ZNF559: variants seen among roughly 807,000 people sequenced by gnomAD.
The protein encoded by ZNF559 is putative protein product of Nbla00121.
Under a neutral mutation model 14.2 loss-of-function variants are expected in ZNF559, and 17 were observed. The observed-to-expected ratio is 1.20, with a 90% CI of 0.82 to 1.80. The LOEUF is 1.80. Among genes scored for constraint, ZNF559 ranks in the 40% most tolerant of loss-of-function variants. The pLI, the probability that ZNF559 is intolerant of heterozygous loss-of-function variation, is 0.00. For synonymous variants in ZNF559, 244 were observed against 212.4 expected (o/e 1.15, Z -1.29); for missense variants, 740 against 629.7 (o/e 1.18, Z -1.88).
chr19:9,325,738 A>G (rs1406178872), intron 2 of ZNF559, among the ~76,000 whole-genome samples: 1 of 151,438 alleles, frequency 6.6e-6, no homozygotes, highest in Non-Finnish European at 1.5e-5. Flanking sequence ...GTGAGCCAAG[A>G]TTGCACCCTT....
Position 9,340,037 on chromosome 19 carries a change from C to T in ZNF559, c.160+718C>T, listed in dbSNP as rs185484784. 1.8e-3 allele frequency among the ~76,000 whole-genome samples: 266 copies of T among 150,014 alleles called. 5 individuals carry two copies. The highest frequency in any genetic ancestry group is 0.017 in the Admixed American group (248 of 14,890). On this transcript the variant is annotated intron_variant, in intron 5 of 6. Transcript: ENST00000603380. ...TCTTGACCTTGTGATCCGCCCACCT[C>T]GGCCTCCCAAAGTGCTCGGATTACG...
In ZNF559 at chr19:9,341,886, A is replaced by T; in HGVS notation, c.435A>T (p.Glu145Asp). Residue 145 changes from glutamate to aspartate, a missense_variant, in exon 7 of 7, where the codon GAA becomes GAT. Coordinates refer to ENST00000603380, the MANE Select transcript of ZNF559 (RefSeq NM_032497.3). ...TLHKKTDIGE[E>D]LPNCNQCETA... The stretch of plus-strand genomic sequence containing the variant: ...ACAAGAAAACTGATATCGGAGAGGA[A>T]CTTCCTAACTGTAATCAATGTGAAA... The T allele has an allele frequency of 6.2e-7, 1 of 1,610,062 alleles. No individual in the cohort carries two copies.
intron 1 of ZNF559, 65 bp from the exon 2 acceptor site, chr19:9,324,627 CCCA>C (rs1376810915): frequency 6.7e-4 from 708 of 1,051,186 alleles, no homozygotes; most frequent in Middle Eastern, 1.1e-3. Flanking sequence ...GACCCCCCCC[CCCA>C]ACCATCTCTA....
Position 9,324,218 on chromosome 19 carries a change from T to G in ZNF559, c.-216T>G. ...CGCCATCTTAACAGCGCGTTCCCGTTGGCGTCTGAGGTAAGTTTTTGTTTC... is the reference window on the plus strand; with the variant it reads ...CGCCATCTTAACAGCGCGTTCCCGTGGGCGTCTGAGGTAAGTTTTTGTTTC... On this transcript the variant is annotated 5_prime_UTR_variant, in exon 1 of 7. Coordinates refer to ENST00000603380, the MANE Select transcript of ZNF559 (RefSeq NM_032497.3). The G allele has an allele frequency of 6.5e-7, 1 of 1,536,066 alleles. No homozygotes were observed. The highest frequency in any genetic ancestry group is 8.7e-7 in the Non-Finnish European group (1 of 1,146,870).
In ZNF559 at chr19:9,342,071, ATGG is replaced by A; in HGVS notation, c.624_626del (p.Gly209del). On this transcript the variant is annotated inframe_deletion, in exon 7 of 7. Transcript: ENST00000603380. Reference sequence around the variant, plus strand: ...CACCTCAGAGAATGTGTAAGAATTTATGGTGGAGAGAGACCATATACTCATAAG... The same window carrying A: ...CACCTCAGAGAATGTGTAAGAATTTATGGAGAGAGACCATATACTCATAAG... 6.2e-7 allele frequency: 1 copy of A among 1,610,944 alleles called. No individual in the cohort carries two copies.
chr19:9,338,416 T>C (rs1278691501), intron 3 of ZNF559, 78 bp from the exon 4 acceptor site: 8 of 1,036,212 alleles, frequency 7.7e-6, no homozygotes, highest in Admixed American at 2.0e-5. Flanking sequence ...TTAGCATTAG[T>C]ATGAGGTGGC....
Position 9,342,847 on chromosome 19 carries a change from A to G in ZNF559, c.1396A>G (p.Lys466Glu), listed in dbSNP as rs1407193329. 4.3e-6 allele frequency: 7 copies of G among 1,613,728 alleles called. No homozygotes were observed. The highest frequency in any genetic ancestry group is 2.2e-5 in the South Asian group (2 of 91,068). Residue 466 changes from lysine to glutamate, a missense_variant, in exon 7 of 7, where the codon AAA becomes GAA. By Grantham distance (56) the Lys-to-Glu change is moderately conservative. Transcript: ENST00000603380. ...KRIHTGERPY[K>E]CQKCGQAFSI... ...AATACATACAGGGGAGAGGCCATAT[A>G]AATGTCAAAAGTGTGGGCAAGCCTT...
At chr19:9,340,798 C>G (rs2067536973) in intron 5 of ZNF559, among the ~76,000 whole-genome samples, 1 of 147,516 alleles carries the variant, frequency 6.8e-6, no homozygotes, top group African/African-American at 2.5e-5. Context: ...GACTCAATCT[C>G]CTGACCTTGT....
At chr19:9,324,801 T>G in intron 2 of ZNF559, 21 bp downstream of exon 2, 2 of 1,532,848 alleles carry the variant, frequency 1.3e-6, no homozygotes, top group Non-Finnish European at 1.7e-6. Context: ...CATGCACTTG[T>G]TCTGGCTGTG....
In ZNF559 at chr19:9,324,213, C is replaced by CA. The variant is rs1568354136; in HGVS notation, c.-221_-220insA. On this transcript the variant is annotated 5_prime_UTR_variant, in exon 1 of 7. The change abolishes the stop of an existing upstream ORF in the 5' untranslated region. Transcript: ENST00000603380. The stretch of plus-strand genomic sequence containing the variant: ...ACGGCCGCCATCTTAACAGCGCGTT[C>CA]CCGTTGGCGTCTGAGGTAAGTTTTT... 1.3e-6 allele frequency: 2 copies of CA among 1,536,108 alleles called. No individual in the cohort carries two copies. The highest frequency in any genetic ancestry group is 4.9e-5 in the East Asian group (2 of 40,900).
chr19:9,331,445 G>A (rs1475821676), intron 2 of ZNF559, among the ~76,000 whole-genome samples: 1 of 151,990 alleles, frequency 6.6e-6, no homozygotes, highest in Non-Finnish European at 1.5e-5. Context: ...AATTGTCAAG[G>A]GTTAGAAAAA....
intron 5 of ZNF559, among the ~76,000 whole-genome samples, chr19:9,339,765 T>G (rs1397549678): frequency 9.5e-6 from 1 of 104,884 alleles, no homozygotes; most frequent in Admixed American, 1.0e-4. Context: ...GCACATTCTT[T>G]ACTTTTTTTT....
Position 9,342,011 on chromosome 19 carries a change from G to A in ZNF559, c.560G>A (p.Cys187Tyr). ...KTHTQEKPYKCSDCEKGLPSS... is the reference protein window; with the variant it reads ...KTHTQEKPYKYSDCEKGLPSS... ...CACACTCAAGAGAAACCATATAAATGCAGTGACTGTGAAAAAGGCTTACCT... is the reference window on the plus strand; with the variant it reads ...CACACTCAAGAGAAACCATATAAATACAGTGACTGTGAAAAAGGCTTACCT... The change falls in exon 7 of 7, where the codon TGC becomes TAC. Residue 187 changes from cysteine (C) to tyrosine (Y), a missense_variant. By Grantham distance (194) the Cys-to-Tyr change is radical (BLOSUM62 -2). Coordinates refer to ENST00000603380, the MANE Select transcript of ZNF559 (RefSeq NM_032497.3). 6.2e-7 allele frequency: 1 copy of A among 1,610,722 alleles called. No individual in the cohort carries two copies. Among genetic ancestry groups the A allele is most frequent in the Non-Finnish European group, 8.5e-7 (1 of 1,179,100 alleles).
intron 2 of ZNF559, among the ~76,000 whole-genome samples, chr19:9,326,392 G>A (rs1045677203): frequency 6.6e-6 from 1 of 152,074 alleles, no homozygotes; most frequent in Non-Finnish European, 1.5e-5. Context: ...ACCATGCCCC[G>A]CCATTCACCT....
intron 4 of ZNF559, 146 bp downstream of exon 4, chr19:9,338,728 G>T: frequency 1.6e-6 from 1 of 619,738 alleles, no homozygotes; most frequent in Admixed American, 2.9e-5. Flanking sequence ...GGACCACAGG[G>T]CCTCTCACAT....
At chr19:9,339,385 T>C (rs2067418020) in intron 5 of ZNF559, 66 bp downstream of exon 5, 1 of 1,517,076 alleles carries the variant, frequency 6.6e-7, no homozygotes, top group Non-Finnish European at 8.9e-7. Flanking sequence ...AGTAACTATG[T>C]TCTAGACTCT....
intron 2 of ZNF559, among the ~76,000 whole-genome samples, chr19:9,327,245 T>TTTTTTG (rs1555727459): frequency 3.4e-5 from 5 of 148,776 alleles, no homozygotes; most frequent in African/African-American, 9.9e-5. Flanking sequence ...TGTTTTGTTT[T>TTTTTTG]TTTTTGTTTT....
intron 2 of ZNF559, among the ~76,000 whole-genome samples, chr19:9,325,349 C>T (rs1025685822): frequency 1.3e-5 from 2 of 151,604 alleles, no homozygotes; most frequent in African/African-American, 4.9e-5. Flanking sequence ...GGCCGAGATG[C>T]GAGGATCACT....
intron 1 of ZNF559, 134 bp downstream of exon 1, chr19:9,324,362 G>A: frequency 1.3e-6 from 2 of 1,506,262 alleles, no homozygotes; most frequent in Non-Finnish European, 8.9e-7. Flanking sequence ...GCATCTTGTG[G>A]GCTCTCCCAA....
Sources: gnomAD v4.1 joint callset for allele counts (sites outside exome capture counted in the v4.1 genomes callset) on GRCh38, gnomAD v4.1.1 for gene constraint, MANE v1.5 for transcripts, NCBI Gene and HGNC (gene_info 2026-07-23, HGNC 2026-07-21) for gene names.